NXPH2: variants seen among roughly 807,000 people sequenced by gnomAD.
NXPH2 encodes the protein neurexophilin-2.
Under a neutral mutation model 19.8 loss-of-function variants are expected in NXPH2, and 5 were observed. The observed-to-expected ratio is 0.25, with a 90% CI of 0.13 to 0.53. The LOEUF is 0.53. NXPH2 is among the 20% of genes least tolerant of loss of function. The pLI is 0.96. For synonymous variants in NXPH2, 154 were observed against 127.4 expected, an observed-to-expected ratio of 1.21 and a Z score of -1.41; for missense variants, 289 against 322.8, an observed-to-expected ratio of 0.90 and a Z score of 0.80.
rs1680415071 is a variant in NXPH2 at position 138,671,539 on chromosome 2, C to T, written c.178G>A (p.Val60Ile). The change falls in exon 2 of 2, where the codon GTT (valine) becomes ATT (isoleucine). Residue 60 changes from valine (V) to isoleucine (I), a missense_variant. By Grantham distance (29) the Val-to-Ile change is conservative. Coordinates refer to ENST00000272641, the MANE Select transcript of NXPH2 (RefSeq NM_007226.3). ...SRIISPLRLF[V>I]KQSPVPKPGP... ...GGCTTGGGCACCGGAGACTGTTTAA[C>T]AAACAGGCGCAGGGGACTGATGATC... The T allele has an allele frequency of 1.2e-6, 2 of 1,613,880 alleles. No individual in the cohort carries two copies. Among genetic ancestry groups the T allele is most frequent in the Admixed American group, 1.7e-5 (1 of 59,992 alleles).
intron 1 of NXPH2, among the ~76,000 whole-genome samples, chr2:138,680,203 A>T (rs1234831862): frequency 6.6e-6 from 1 of 152,194 alleles, no homozygotes; most frequent in Non-Finnish European, 1.5e-5. Context: ...TGCAAGCCAC[A>T]TTCCCTCTCT....
At position 138,719,696 on chromosome 2, in the gene NXPH2, A is replaced by G. The variant is rs543935967; in HGVS notation, c.52-48031T>C. Among the ~76,000 whole-genome samples, 8 of 152,292 alleles carry G rather than the reference A, an allele frequency of 5.3e-5. No homozygotes were observed. In the East Asian group the frequency reaches 9.6e-4, roughly 18 times the overall value. ...TAGTCTGGAGACTGGGTAACATGGC[A>G]AGACCTCATCCCCTCAAAAACCACA... On this transcript the variant is annotated intron_variant, in intron 1 of 1. Transcript: ENST00000272641.
chr2:138,730,703 C>T (rs1210583862), intron 1 of NXPH2, among the ~76,000 whole-genome samples: 2 of 152,082 alleles, frequency 1.3e-5, no homozygotes, highest in African/African-American at 4.8e-5. Flanking sequence ...GATTTCAGTC[C>T]CTTGTCTTCC....
intron 1 of NXPH2, among the ~76,000 whole-genome samples, chr2:138,719,455 A>G (rs1387168966): frequency 6.6e-6 from 1 of 152,206 alleles, no homozygotes; most frequent in African/African-American, 2.4e-5. Context: ...AGTAAATATA[A>G]TACATAATAT....
intron 1 of NXPH2, among the ~76,000 whole-genome samples, chr2:138,707,094 C>CAAAAAAAAAAA (rs70982073): frequency 0.07 from 2,436 of 34,728 alleles, 409 homozygotes; most frequent in African/African-American, 0.15. Flanking sequence ...TGCCCCATGA[C>CAAAAAAAAAAA]AAAAAAAAAA....
rs148286847 is a variant in NXPH2, at chr2:138,670,598, A to G, written c.*324T>C. 1.1e-4 allele frequency among the ~76,000 whole-genome samples: 16 copies of G among 152,300 alleles called. No homozygotes were observed. The East Asian group carries it at 3.1e-3, about 29-fold the overall frequency. Reference sequence around the variant, plus strand: ...CAAGAGCAATGTTTGTCACATGCATAATTTTGTTCCTTCTTGTCACATATT... The same window carrying G: ...CAAGAGCAATGTTTGTCACATGCATGATTTTGTTCCTTCTTGTCACATATT... On this transcript the variant is annotated 3_prime_UTR_variant, in exon 2 of 2. Transcript: ENST00000272641.
intron 1 of NXPH2, among the ~76,000 whole-genome samples, chr2:138,701,502 T>C (rs1001664334): frequency 6.6e-6 from 1 of 152,088 alleles, no homozygotes; most frequent in East Asian, 1.9e-4. Flanking sequence ...CAAGGTACTG[T>C]AGAAGGAAGG....
chr2:138,780,141 G>C (rs1682328608), intron 1 of NXPH2, 50 bp downstream of exon 1: 1 of 1,463,900 alleles, frequency 6.8e-7, no homozygotes, highest in Non-Finnish European at 9.0e-7. Context: ...CGGTTTTCCC[G>C]CCGAAACGCG....
At chr2:138,740,065 A>G (rs1448621514) in intron 1 of NXPH2, among the ~76,000 whole-genome samples, 2 of 152,164 alleles carry the variant, frequency 1.3e-5, no homozygotes, top group Non-Finnish European at 2.9e-5. Context: ...ATGGCGTTCC[A>G]TATCCCCAGA....
intron 1 of NXPH2, among the ~76,000 whole-genome samples, chr2:138,695,217 C>T (rs1032772188): frequency 1.3e-4 from 20 of 151,844 alleles, no homozygotes; most frequent in African/African-American, 4.6e-4. Context: ...AATTCCAAAT[C>T]GATATTAGTG....
intron 1 of NXPH2, among the ~76,000 whole-genome samples, chr2:138,676,178 T>C (rs1194697321): frequency 1.3e-5 from 2 of 152,176 alleles, no homozygotes; most frequent in African/African-American, 4.8e-5. Flanking sequence ...CAAAAAGCTA[T>C]CTGACAGTGG....
In NXPH2 at chr2:138,740,644, C is replaced by T. The variant is rs79589027; in HGVS notation, c.51+39547G>A. Among the ~76,000 whole-genome samples the T allele has an allele frequency of 2.7e-3, 412 of 152,162 alleles. 4 individuals carry two copies. Among genetic ancestry groups the T allele is most frequent in the African/African-American group, 9.6e-3 (400 of 41,488 alleles). The stretch of plus-strand genomic sequence containing the variant: ...ATTCTGAGGATGCCATATGCTACAA[C>T]GCAGGGAACCTAATTTATTTCATTG... On this transcript the variant is annotated intron_variant, in intron 1 of 1. Transcript: ENST00000272641.
chr2:138,673,790 C>G (rs990256735), intron 1 of NXPH2, among the ~76,000 whole-genome samples: 2 of 151,456 alleles, frequency 1.3e-5, no homozygotes, highest in Non-Finnish European at 2.9e-5. Context: ...GAACTTATTT[C>G]TTCCATCTAA....
Position 138,747,885 on chromosome 2 carries a change from T to C in NXPH2, c.51+32306A>G, listed in dbSNP as rs144094126. On this transcript the variant is annotated intron_variant, in intron 1 of 1. Transcript: ENST00000272641. ...CTCCAGTTTCAGTTTACTGCTTCCA[T>C]CTACCTTGCCTCAGCTCTATTTTCT... Among the ~76,000 whole-genome samples, 20 of 152,294 alleles carry C rather than the reference T, an allele frequency of 1.3e-4. No homozygotes were observed. The East Asian group carries it at 3.9e-3, about 29-fold the overall frequency.
intron 1 of NXPH2, among the ~76,000 whole-genome samples, chr2:138,719,053 C>G (rs970373684): frequency 6.6e-6 from 1 of 152,030 alleles, no homozygotes; most frequent in African/African-American, 2.4e-5. Context: ...ATGTTTATTC[C>G]TGGGGAGAGA....
chr2:138,671,269 A>C lies in NXPH2; in HGVS notation c.448T>G (p.Ser150Ala). 6.2e-7 allele frequency: 1 copy of C among 1,613,876 alleles called. No individual in the cohort carries two copies. Among genetic ancestry groups the C allele is most frequent in the South Asian group, 1.1e-5 (1 of 91,048 alleles). ...ACTGAAACATTGCCCAGGCCTGTTG[A>C]ATTATGTCGGAAATACACACTGAAG... is the stretch of plus-strand genomic sequence containing the variant. ...GTFSVYFRHN[S>A]TGLGNVSVSL... The change falls in exon 2 of 2, where the codon TCA becomes GCA. Residue 150 changes from serine to alanine, a missense_variant. Physicochemically the swap from Ser to Ala is moderately conservative, Grantham distance 99. Transcript: ENST00000272641.
intron 1 of NXPH2, among the ~76,000 whole-genome samples, chr2:138,732,547 G>A (rs1681468383): frequency 6.6e-6 from 1 of 152,154 alleles, no homozygotes; most frequent in Admixed American, 6.5e-5. Context: ...GGCTCTCTCA[G>A]GCATGTTGGC....
intron 1 of NXPH2, among the ~76,000 whole-genome samples, chr2:138,686,509 A>G (rs1313017166): frequency 6.6e-6 from 1 of 152,004 alleles, no homozygotes; most frequent in East Asian, 1.9e-4. Context: ...TTGAGGTATG[A>G]TTGATGCACA....
chr2:138,695,737 A>G (rs1489784045), intron 1 of NXPH2, among the ~76,000 whole-genome samples: 1 of 152,214 alleles, frequency 6.6e-6, no homozygotes, highest in African/African-American at 2.4e-5. Flanking sequence ...ACATATTATC[A>G]AGAAAAGATG....
Sources: allele counts gnomAD v4.1 joint callset (sites outside exome capture counted in the v4.1 genomes callset), GRCh38; gene constraint gnomAD v4.1.1; transcripts MANE v1.5; gene names NCBI Gene and HGNC (gene_info 2026-07-23, HGNC 2026-07-21).